The following ATXN7L1 variants were observed in gnomAD, a reference collection of about 807,000 sequenced individuals.
ATXN7L1 encodes the protein ataxin 7 like 1.
A neutral mutation model predicts 70.8 loss-of-function variants in ATXN7L1; 15 were observed. The observed-to-expected ratio is 0.21, with a 90% CI of 0.14 to 0.33. The LOEUF (loss-of-function observed/expected upper bound fraction) is 0.33. Among genes scored for constraint, ATXN7L1 ranks in the 10% least tolerant of loss-of-function variants. ATXN7L1 has a pLI of 1.00. For synonymous variants in ATXN7L1, 440 were observed against 445.1 expected, an observed-to-expected ratio of 0.99 and a Z score of 0.14; for missense variants, 975 against 1,097.1, an observed-to-expected ratio of 0.89 and a Z score of 1.57.
At chr7:105,710,729 A>G (rs1793802756) in intron 3 of ATXN7L1, among the ~76,000 whole-genome samples, 1 of 152,142 alleles carries the variant, frequency 6.6e-6, no homozygotes, top group African/African-American at 2.4e-5. Context: ...TTTGGTTTAA[A>G]CACTTTTAAA....
chr7:105,819,659 C>T, intron 2 of ATXN7L1: 1 of 935,898 alleles, frequency 1.1e-6, no homozygotes, highest in Admixed American at 1.7e-5. Flanking sequence ...AGTACCTGGT[C>T]TTCCTCCGCA....
intron 7 of ATXN7L1, among the ~76,000 whole-genome samples, chr7:105,624,524 C>G (rs1795395270): frequency 6.6e-6 from 1 of 151,990 alleles, no homozygotes; most frequent in Non-Finnish European, 1.5e-5. Context: ...GTGGCGCGTG[C>G]CTGTAGTCCC....
chr7:105,827,127 C>T (rs1810981723), intron 2 of ATXN7L1, among the ~76,000 whole-genome samples: 1 of 152,166 alleles, frequency 6.6e-6, no homozygotes, highest in African/African-American at 2.4e-5. Context: ...TCTGTCTTTG[C>T]TGGCATAAGC....
chr7:105,692,736 C>T (rs760437501), intron 3 of ATXN7L1, among the ~76,000 whole-genome samples: 37 of 151,868 alleles, frequency 2.4e-4, no homozygotes, highest in Non-Finnish European at 3.2e-4. Context: ...TATGAGCCAC[C>T]GCACCCAGCT....
chr7:105,865,119 C>T (rs556204509), intron 2 of ATXN7L1, among the ~76,000 whole-genome samples: 14 of 152,194 alleles, frequency 9.2e-5, no homozygotes, highest in South Asian at 2.1e-4. Context: ...AAGACAAAGG[C>T]GAAGACCCAA....
At chr7:105,761,963 A>C (rs1220050290) in intron 3 of ATXN7L1, among the ~76,000 whole-genome samples, 7 of 152,188 alleles carry the variant, frequency 4.6e-5, no homozygotes. Flanking sequence ...GATAGGGGAG[A>C]TAAGAACAGA....
At chr7:105,686,447 T>C (rs754870738) in intron 3 of ATXN7L1, among the ~76,000 whole-genome samples, 4 of 152,116 alleles carry the variant, frequency 2.6e-5, no homozygotes, top group African/African-American at 9.7e-5. Flanking sequence ...ACCCAGGAGA[T>C]GGAGGTTGCA....
In ATXN7L1 at chr7:105,607,632, A is replaced by T; in HGVS notation, c.*220T>A. On this transcript the variant is annotated 3_prime_UTR_variant, in exon 12 of 12. Coordinates refer to ENST00000419735, the MANE Select transcript of ATXN7L1 (RefSeq NM_020725.2). ...ATGAAAGGAAAGACAGCGGAAACCAAACACTGGAACTGTTTTCTGTAAATC... is the reference window on the plus strand; with the variant it reads ...ATGAAAGGAAAGACAGCGGAAACCATACACTGGAACTGTTTTCTGTAAATC... 1 of 559,972 alleles carries T rather than the reference A, an allele frequency of 1.8e-6. No homozygotes were observed. The highest frequency in any genetic ancestry group is 1.9e-5 in the African/African-American group (1 of 53,470). 34.7% of individuals were successfully genotyped at this position (559,972 alleles called of 1,614,324 possible). A position where few individuals can be genotyped will look rare whatever the true frequency, so the allele number is the denominator to read the frequency against.
chr7:105,684,144 C>T (rs183686751), intron 3 of ATXN7L1, among the ~76,000 whole-genome samples: 3 of 152,098 alleles, frequency 2.0e-5, no homozygotes, highest in African/African-American at 7.2e-5. Flanking sequence ...AGTTCAGTCC[C>T]GACTGTTGAA....
At chr7:105,705,222 C>T (rs751415191) in intron 3 of ATXN7L1, among the ~76,000 whole-genome samples, 2 of 151,970 alleles carry the variant, frequency 1.3e-5, no homozygotes, top group Non-Finnish European at 1.5e-5. Context: ...AATGGGGTTT[C>T]ACCATGTTGG....
chr7:105,620,344 A>G, intron 8 of ATXN7L1, 23 bp from the exon 9 acceptor site: 1 of 1,534,350 alleles, frequency 6.5e-7, no homozygotes, highest in Non-Finnish European at 8.8e-7. Flanking sequence ...AAAAATTTTA[A>G]TTTTGATTAC....
intron 3 of ATXN7L1, among the ~76,000 whole-genome samples, chr7:105,732,937 T>A (rs1032747505): frequency 1.2e-4 from 19 of 152,316 alleles, no homozygotes; most frequent in African/African-American, 4.6e-4. Context: ...GTCTCCTCAA[T>A]TCTTTTGGGT....
chr7:105,692,384 TCC>T, intron 3 of ATXN7L1, among the ~76,000 whole-genome samples: 1 of 103,148 alleles, frequency 9.7e-6, no homozygotes, highest in Non-Finnish European at 1.9e-5. Context: ...CTTCCTTCCT[TCC>T]TTCCTTCCTT....
chr7:105,778,994 C>A (rs1159759534), intron 3 of ATXN7L1, among the ~76,000 whole-genome samples: 1 of 152,228 alleles, frequency 6.6e-6, no homozygotes, highest in East Asian at 1.9e-4. Flanking sequence ...ATGAAGCTCA[C>A]CTGCCCCAAG....
At position 105,637,569 on chromosome 7, in the gene ATXN7L1, C is replaced by T. The variant is rs796858156; in HGVS notation, c.1202+784G>A. ...TGAGAGTACCTAACATGGAATCTTG[C>T]TTATGGAGCGAGCACTCAATAAATA... On this transcript the variant is annotated intron_variant, in intron 7 of 11. Coordinates refer to ENST00000419735, the MANE Select transcript of ATXN7L1 (RefSeq NM_020725.2). 2.6e-4 allele frequency among the ~76,000 whole-genome samples: 39 copies of T among 152,272 alleles called. 1 individual carries two copies. Among genetic ancestry groups the T allele is most frequent in the African/African-American group, 9.1e-4 (38 of 41,546 alleles).
At chr7:105,768,149 C>G (rs1168400759) in intron 3 of ATXN7L1, among the ~76,000 whole-genome samples, 1 of 152,224 alleles carries the variant, frequency 6.6e-6, no homozygotes, top group African/African-American at 2.4e-5. Context: ...CCTGCCTAAC[C>G]TCATTACACA....
At chr7:105,839,038 G>A (rs1313157953) in intron 2 of ATXN7L1, among the ~76,000 whole-genome samples, 1 of 152,198 alleles carries the variant, frequency 6.6e-6, no homozygotes, top group African/African-American at 2.4e-5. Context: ...CTCAACTTTA[G>A]GAAAGCCAGC....
At chr7:105,625,143 G>A in intron 7 of ATXN7L1, among the ~76,000 whole-genome samples, 1 of 152,160 alleles carries the variant, frequency 6.6e-6, no homozygotes, top group Non-Finnish European at 1.5e-5. Context: ...TTTTGTCCTG[G>A]TGATGGGCCA....
At chr7:105,629,666 C>A (rs1203611239) in intron 7 of ATXN7L1, among the ~76,000 whole-genome samples, 1 of 150,714 alleles carries the variant, frequency 6.6e-6, no homozygotes, top group Admixed American at 6.6e-5. Flanking sequence ...CAGGCACCTG[C>A]CACCACGCCC....
Sources: gnomAD v4.1 joint callset for allele counts (sites outside exome capture counted in the v4.1 genomes callset) on GRCh38, gnomAD v4.1.1 for gene constraint, MANE v1.5 for transcripts, NCBI Gene and HGNC (gene_info 2026-07-23, HGNC 2026-07-21) for gene names.